Variants in SORCS3 observed in about 807,000 individuals in gnomAD.
The protein encoded by SORCS3 is VPS10 domain-containing receptor SorCS3.
In SORCS3, 57 loss-of-function variants were observed where a neutral mutation model predicts 146.3. That is an observed-to-expected ratio of 0.39 (90% CI 0.31 to 0.49). SORCS3 has a LOEUF of 0.49. Ranked by LOEUF, SORCS3 falls within the 20% of genes least tolerant of loss-of-function variation. SORCS3 has a pLI of 0.92. For synonymous variants in SORCS3, 653 were observed against 618.5 expected (o/e 1.06, Z -0.83); for missense variants, 1,341 against 1,575.5 (o/e 0.85, Z 2.52).
intron 1 of SORCS3, among the ~76,000 whole-genome samples, chr10:104,796,851 A>G (rs1266564460): frequency 6.6e-6 from 1 of 152,176 alleles, no homozygotes; most frequent in African/African-American, 2.4e-5. Flanking sequence ...AGTTCATTAA[A>G]TTATTAGTTT....
At chr10:104,778,559 C>T (rs528335870) in intron 1 of SORCS3, among the ~76,000 whole-genome samples, 5 of 152,302 alleles carry the variant, frequency 3.3e-5, no homozygotes, top group African/African-American at 1.2e-4. Context: ...AATGAGATAA[C>T]ATGCATCAAA....
intron 1 of SORCS3, among the ~76,000 whole-genome samples, chr10:104,691,013 A>G (rs988835942): frequency 2.0e-4 from 31 of 152,174 alleles, no homozygotes; most frequent in Admixed American, 5.2e-4. Flanking sequence ...GGCTCAGACC[A>G]TTGCATACTT....
intron 1 of SORCS3, among the ~76,000 whole-genome samples, chr10:104,727,545 G>GTATATATATA (rs34816369): frequency 2.7e-5 from 4 of 147,876 alleles, no homozygotes; most frequent in African/African-American, 5.0e-5. Context: ...ATGTGTGTGT[G>GTATATATATA]TATATATATA....
rs564112191 is a variant in SORCS3 at position 105,181,824 on chromosome 10, G to A, written c.2009+3651G>A. 1.6e-4 allele frequency among the ~76,000 whole-genome samples: 24 copies of A among 152,248 alleles called. No individual in the cohort carries two copies. In the South Asian group the frequency reaches 1.7e-3, roughly 11 times the overall value. On this transcript the variant is annotated intron_variant, in intron 14 of 26. Coordinates refer to ENST00000369701, the MANE Select transcript of SORCS3 (RefSeq NM_014978.3). ...GCAGTGGCTCTCCAGATGATGAGATGCCTGTGGCTGTTGCAGCACTTGGGC... is the reference window on the plus strand; with the variant it reads ...GCAGTGGCTCTCCAGATGATGAGATACCTGTGGCTGTTGCAGCACTTGGGC...
intron 20 of SORCS3, 35 bp from the exon 21 acceptor site, chr10:105,245,507 C>T (rs528444213): frequency 1.2e-6 from 2 of 1,611,822 alleles, no homozygotes; most frequent in Non-Finnish European, 1.7e-6. Flanking sequence ...ATATCCCACA[C>T]AAGACTGAAT....
chr10:104,962,886 A>G (rs767838467), intron 3 of SORCS3, among the ~76,000 whole-genome samples: 9 of 152,256 alleles, frequency 5.9e-5, no homozygotes, highest in Non-Finnish European at 1.0e-4. Context: ...ATGGATAAGT[A>G]CAGACAAGAA....
In SORCS3 at chr10:105,240,958, A is replaced by ATATATC. The variant is rs1278160680; in HGVS notation, c.2869-4566_2869-4561dup. 2.4e-3 allele frequency among the ~76,000 whole-genome samples: 352 copies of ATATATC among 149,220 alleles called. 1 individual carries two copies. Among genetic ancestry groups the ATATATC allele is most frequent in the East Asian group, 4.2e-3 (21 of 5,016 alleles). On this transcript the variant is annotated intron_variant, in intron 20 of 26. Transcript: ENST00000369701. ...CAAACACTGAAAAAAATATATATAT[A>ATATATC]TATATCTATATCTATATCTATATAT... is the stretch of plus-strand genomic sequence containing the variant.
At chr10:105,045,616 T>A (rs560249938) in intron 5 of SORCS3, among the ~76,000 whole-genome samples, 3 of 152,250 alleles carry the variant, frequency 2.0e-5, no homozygotes, top group East Asian at 1.9e-4. Flanking sequence ...AGGTTAGGGA[T>A]GTAAATATTA....
chr10:104,873,375 C>G (rs1201949444), intron 2 of SORCS3, among the ~76,000 whole-genome samples: 1 of 152,146 alleles, frequency 6.6e-6, no homozygotes, highest in Non-Finnish European at 1.5e-5. Flanking sequence ...AAGTGCTCCT[C>G]TTGGAATGTG....
intron 4 of SORCS3, among the ~76,000 whole-genome samples, chr10:105,012,589 C>T (rs2055141875): frequency 6.6e-6 from 1 of 152,096 alleles, no homozygotes; most frequent in Non-Finnish European, 1.5e-5. Flanking sequence ...AGTCTTGATT[C>T]ACACTCCACC....
chr10:104,740,118 A>G (rs1251765458), intron 1 of SORCS3, among the ~76,000 whole-genome samples: 2 of 152,204 alleles, frequency 1.3e-5, no homozygotes. Context: ...TGCATTTACA[A>G]TTTTGCAGTG....
intron 2 of SORCS3, among the ~76,000 whole-genome samples, chr10:104,863,746 C>T (rs928931131): frequency 6.6e-6 from 1 of 152,218 alleles, no homozygotes; most frequent in African/African-American, 2.4e-5. Context: ...CTGTCTGCTC[C>T]TATCCCTAGC....
chr10:104,974,763 G>A (rs9663561), intron 3 of SORCS3, among the ~76,000 whole-genome samples: 12 of 152,144 alleles, frequency 7.9e-5, no homozygotes, highest in African/African-American at 2.7e-4. Context: ...TATTTTGCTT[G>A]TTAGTTGATG....
At chr10:105,146,900 A>G (rs791123) in intron 8 of SORCS3, among the ~76,000 whole-genome samples, 79,197 of 152,008 alleles carry the variant, frequency 0.52, 20,959 homozygotes, top group Middle Eastern at 0.56. Context: ...AGTTCAGAGA[A>G]ACTGACACAT....
chr10:104,863,742 G>C (rs1589528159), intron 2 of SORCS3, among the ~76,000 whole-genome samples: 1 of 152,198 alleles, frequency 6.6e-6, no homozygotes, highest in African/African-American at 2.4e-5. Context: ...TACCCTGTCT[G>C]CTCCTATCCC....
chr10:104,656,153 T>G (rs1211235761), intron 1 of SORCS3, among the ~76,000 whole-genome samples: 65 of 152,102 alleles, frequency 4.3e-4, no homozygotes, highest in Non-Finnish European at 2.6e-4. Context: ...GAGTGGAGAT[T>G]GCAAAGATGT....
chr10:104,850,457 T>C (rs1277619778), intron 2 of SORCS3, among the ~76,000 whole-genome samples: 1 of 152,192 alleles, frequency 6.6e-6, no homozygotes, highest in African/African-American at 2.4e-5. Flanking sequence ...TGGCGGCATG[T>C]GCCTGTAGGC....
rs189987510 is a variant in SORCS3, at chr10:104,713,385, A to T, written c.627+71431A>T. On this transcript the variant is annotated intron_variant, in intron 1 of 26. Coordinates refer to ENST00000369701, the MANE Select transcript of SORCS3 (RefSeq NM_014978.3). ...TTCACCTTTTGTCCTTTTCTGTGGG[A>T]TGTTTTTCTTTTTCTTAGCTCATGT... is the stretch of plus-strand genomic sequence containing the variant. Among the ~76,000 whole-genome samples, 286 of 151,998 alleles carry T rather than the reference A, an allele frequency of 1.9e-3. 2 individuals are homozygous for T. Among genetic ancestry groups the T allele is most frequent in the East Asian group, 1.5e-3 (8 of 5,170 alleles).
chr10:105,261,602 A>G (rs2056960982), intron 25 of SORCS3, among the ~76,000 whole-genome samples: 1 of 152,208 alleles, frequency 6.6e-6, no homozygotes, highest in South Asian at 2.1e-4. Context: ...ACAGTGTGTG[A>G]GGAGATAATG....
Sources: gnomAD v4.1 joint callset for allele counts (sites outside exome capture counted in the v4.1 genomes callset) on GRCh38, gnomAD v4.1.1 for gene constraint, MANE v1.5 for transcripts, NCBI Gene and HGNC (gene_info 2026-07-23, HGNC 2026-07-21) for gene names.